SORCS2: variants seen among roughly 807,000 people sequenced by gnomAD.
The protein encoded by SORCS2 is sortilin related VPS10 domain containing receptor 2.
A neutral mutation model predicts 141.6 loss-of-function variants in SORCS2; 100 were observed. The ratio of observed to expected loss-of-function variants is 0.71; its 90% CI spans 0.60 to 0.83. SORCS2 has a LOEUF of 0.83. Among genes scored for constraint, SORCS2 ranks in the 40% least tolerant of loss-of-function variants. The probability of loss-of-function intolerance (pLI) is 0.00; values close to 1 mark genes in which losing one functional copy is unlikely to be tolerated. For synonymous variants in SORCS2, 789 were observed against 676.9 expected, an observed-to-expected ratio of 1.17 and a Z score of -2.57; for missense variants, 1,646 against 1,560.2, an observed-to-expected ratio of 1.05 and a Z score of -0.93.
At chr4:7,348,353 T>C (rs909951729) in intron 1 of SORCS2, among the ~76,000 whole-genome samples, 1 of 152,202 alleles carries the variant, frequency 6.6e-6, no homozygotes, top group Non-Finnish European at 1.5e-5. Flanking sequence ...AACTCTGATT[T>C]CTTGAGGGCT....
chr4:7,734,719 A>G (rs1014838763), intron 25 of SORCS2, among the ~76,000 whole-genome samples: 5 of 152,190 alleles, frequency 3.3e-5, no homozygotes, highest in African/African-American at 1.2e-4. Context: ...CAGAGAGGTT[A>G]AGCAGTGTGC....
At chr4:7,539,758 T>A (rs1712436576) in intron 3 of SORCS2, among the ~76,000 whole-genome samples, 1 of 98,912 alleles carries the variant, frequency 1.0e-5, no homozygotes, top group Admixed American at 1.2e-4. Context: ...ACCCCATCCC[T>A]GCTGTGAGGG....
chr4:7,652,868 G>A (rs1477754371), intron 4 of SORCS2, among the ~76,000 whole-genome samples: 1 of 152,222 alleles, frequency 6.6e-6, no homozygotes, highest in Non-Finnish European at 1.5e-5. Flanking sequence ...AGGGTGCAGT[G>A]CAAAGTGAAA....
chr4:7,718,537 A>G (rs1364188272), intron 18 of SORCS2, among the ~76,000 whole-genome samples: 1 of 152,246 alleles, frequency 6.6e-6, no homozygotes, highest in East Asian at 1.9e-4. Context: ...ATACATTTTT[A>G]AAGCCTGTAA....
rs1729802316 is a variant in SORCS2 at position 7,469,058 on chromosome 4, C to T, written c.549-62472C>T. Among the ~76,000 whole-genome samples the T allele has an allele frequency of 3.3e-5, 5 of 152,104 alleles. No homozygotes were observed. The South Asian group carries it at 8.3e-4, about 25-fold the overall frequency. On this transcript the variant is annotated intron_variant, in intron 2 of 26. Coordinates refer to ENST00000507866, the MANE Select transcript of SORCS2 (RefSeq NM_020777.3). ...CTAAAGTGCTTCACACAGAGCCTGA[C>T]AAGGAGTTAAGACATGATGGTGATT...
intron 2 of SORCS2, among the ~76,000 whole-genome samples, chr4:7,427,098 A>T (rs1007368548): frequency 6.6e-6 from 1 of 152,098 alleles, no homozygotes; most frequent in African/African-American, 2.4e-5. Flanking sequence ...GACAGCCTGG[A>T]TCTGGAGAGT....
intron 1 of SORCS2, among the ~76,000 whole-genome samples, chr4:7,317,027 A>C (rs1027821709): frequency 3.3e-5 from 5 of 152,100 alleles, no homozygotes; most frequent in African/African-American, 1.2e-4. Context: ...AGACCCTGTT[A>C]CTCTCTCCAA....
Position 7,662,969 on chromosome 4 carries a change from GGTGAGTGAGTGAGTGA to G in SORCS2, c.953-1374_953-1359del, listed in dbSNP as rs369693061. 1.4e-4 allele frequency among the ~76,000 whole-genome samples: 21 copies of G among 152,170 alleles called. No homozygotes were observed. The South Asian group carries it at 3.7e-3, about 27-fold the overall frequency. On this transcript the variant is annotated intron_variant, in intron 6 of 26. Coordinates refer to ENST00000507866, the MANE Select transcript of SORCS2 (RefSeq NM_020777.3). Reference sequence around the variant, plus strand: ...GATTGAGGGAATGAATGAATGAATAGGTGAGTGAGTGAGTGAGTGAGTGAGCGAGTGAGTGGATGAG... The same window carrying G: ...GATTGAGGGAATGAATGAATGAATAGGTGAGTGAGCGAGTGAGTGGATGAG...
intron 3 of SORCS2, among the ~76,000 whole-genome samples, chr4:7,553,053 C>G (rs1247044666): frequency 6.6e-6 from 1 of 151,946 alleles, no homozygotes; most frequent in Non-Finnish European, 1.5e-5. Context: ...CCTGAGAGCA[C>G]AAAATGGACA....
intron 2 of SORCS2, among the ~76,000 whole-genome samples, chr4:7,453,850 A>T (rs1245783583): frequency 4.2e-5 from 3 of 72,088 alleles, no homozygotes; most frequent in African/African-American, 1.2e-4. Context: ...TGGGGTCAGG[A>T]GCTGTGTGTT....
intron 1 of SORCS2, among the ~76,000 whole-genome samples, chr4:7,244,995 C>A (rs1712983313): frequency 6.6e-6 from 1 of 152,134 alleles, no homozygotes; most frequent in Non-Finnish European, 1.5e-5. Flanking sequence ...GAGTAAGCCA[C>A]CATGGGAACC....
chr4:7,483,091 C>T (rs543471050), intron 2 of SORCS2, among the ~76,000 whole-genome samples: 21 of 152,062 alleles, frequency 1.4e-4, no homozygotes, highest in African/African-American at 4.1e-4. Flanking sequence ...GAGGCTGAGA[C>T]GGGGGGATCA....
At chr4:7,442,835 A>T (rs1160503832) in intron 2 of SORCS2, among the ~76,000 whole-genome samples, 1 of 151,946 alleles carries the variant, frequency 6.6e-6, no homozygotes, top group Non-Finnish European at 1.5e-5. Flanking sequence ...GGGGTGGCCG[A>T]AAACAACCGG....
intron 3 of SORCS2, among the ~76,000 whole-genome samples, chr4:7,574,143 T>C (rs1157164074): frequency 1.3e-5 from 2 of 152,160 alleles, no homozygotes; most frequent in Non-Finnish European, 2.9e-5. Context: ...CTCAGTCAGT[T>C]CCCCCCAGAA....
At chr4:7,227,306 T>G (rs1307705157) in intron 1 of SORCS2, among the ~76,000 whole-genome samples, 1 of 152,218 alleles carries the variant, frequency 6.6e-6, no homozygotes, top group East Asian at 1.9e-4. Flanking sequence ...CCCTCGCATC[T>G]GTGCTTATCA....
Position 7,689,507 on chromosome 4 carries a change from C to T in SORCS2, c.1510C>T (p.His504Tyr). The change falls in exon 11 of 27, where the codon CAC becomes TAC. Residue 504 changes from histidine to tyrosine, a missense_variant. His to Tyr is a moderately conservative substitution (Grantham distance 83). Coordinates refer to ENST00000507866, the MANE Select transcript of SORCS2 (RefSeq NM_020777.3). ...CKPPDCHLHL[H>Y]LRWADNPYVS... ...GCAGCCAGACTGCCACCTGCACCTG[C>T]ACCTGCGCTGGGCAGACAACCCCTA... 3 of 1,603,608 alleles carry T rather than the reference C, an allele frequency of 1.9e-6. No individual in the cohort carries two copies. Among genetic ancestry groups the T allele is most frequent in the East Asian group, 2.3e-5 (1 of 44,408 alleles).
At chr4:7,682,130 T>C (rs895420316) in intron 9 of SORCS2, among the ~76,000 whole-genome samples, 10 of 152,166 alleles carry the variant, frequency 6.6e-5, no homozygotes, top group African/African-American at 2.4e-4. Flanking sequence ...TTGGATATGT[T>C]TGGGTCACTG....
At chr4:7,653,397 C>G (rs1417105440) in intron 4 of SORCS2, among the ~76,000 whole-genome samples, 1 of 152,216 alleles carries the variant, frequency 6.6e-6, no homozygotes, top group Non-Finnish European at 1.5e-5. Flanking sequence ...GCATGCGCCA[C>G]CATGCCCAGC....
At chr4:7,453,343 G>A (rs1728614859) in intron 2 of SORCS2, among the ~76,000 whole-genome samples, 1 of 137,150 alleles carries the variant, frequency 7.3e-6, no homozygotes, top group South Asian at 2.5e-4. Flanking sequence ...TTGGGGTCAG[G>A]CACTGTGCTG....
Sources: gnomAD v4.1 joint callset for allele counts (sites outside exome capture counted in the v4.1 genomes callset) on GRCh38, gnomAD v4.1.1 for gene constraint, MANE v1.5 for transcripts, NCBI Gene and HGNC (gene_info 2026-07-23, HGNC 2026-07-21) for gene names.